The following LGALS3BP variants were observed in gnomAD, a reference collection of about 807,000 sequenced individuals.
LGALS3BP encodes galectin-3-binding protein.
Under a neutral mutation model 22.9 loss-of-function variants are expected in LGALS3BP, and 25 were observed. That is an observed-to-expected ratio of 1.09 (90% confidence interval 0.80 to 1.53). LGALS3BP has a LOEUF of 1.53. LGALS3BP is among the 40% of genes most tolerant of loss of function. The pLI is 0.00. For missense variants in LGALS3BP, 718 were observed against 752.0 expected, an observed-to-expected ratio of 0.95 and a Z score of 0.53; for synonymous variants, 335 against 331.1, an observed-to-expected ratio of 1.01 and a Z score of -0.13.
rs754377730 is a variant in LGALS3BP at position 78,971,879 on chromosome 17, G to C, written c.1455C>G (p.Thr485=). The C allele has an allele frequency of 6.2e-7, 1 of 1,614,194 alleles. No homozygotes were observed. Among genetic ancestry groups the C allele is most frequent in the African/African-American group, 1.3e-5 (1 of 75,050 alleles). The part of the protein sequence containing the change: ...RVSWSLVYLP[T]IQSCWNYGFS... ...AGCCGTAGTTCCAGCAGCTCTGGAT[G>C]GTGGGGAGGTAGACCAGGGACCAGG... The change falls in exon 6 of 6, where the codon ACC becomes ACG. Residue 485 remains threonine (T), a synonymous_variant. Coordinates refer to ENST00000262776, the MANE Select transcript of LGALS3BP (RefSeq NM_005567.4). This position sits in a 1 kb window ranked among gnomAD's most constrained non-coding sequence, Gnocchi z 5.6.
At position 78,971,569 on chromosome 17, in the gene LGALS3BP, A is replaced by C; in HGVS notation, c.*7T>G. 6.2e-7 allele frequency: 1 copy of C among 1,608,302 alleles called. No homozygotes were observed. The highest frequency in any genetic ancestry group is 8.5e-7 in the Non-Finnish European group (1 of 1,176,730). On this transcript the variant is annotated 3_prime_UTR_variant, in exon 6 of 6. Transcript: ENST00000262776. This position sits in a 1 kb window ranked among gnomAD's most constrained non-coding sequence, Gnocchi z 5.6. The stretch of plus-strand genomic sequence containing the variant: ...CTCCGGTTCTCACCACCCTTGGGCC[A>C]CGCCGTCTAGTCCACACCTGAGGAG...
In LGALS3BP at chr17:78,972,418, G is replaced by A; in HGVS notation, c.916C>T (p.Leu306=). ...WPSVPTDLLQ[L]LLPRSDLAVP... is the part of the protein sequence containing the mutation. ...GCCAGGTCGCTCCTGGGCAGCAGCA[G>A]TTGGAGCAGGTCTGTGGGGACACTG... is the stretch of plus-strand genomic sequence containing the variant. The change falls in exon 6 of 6, where the codon CTG becomes TTG. Residue 306 remains leucine, a synonymous_variant. Coordinates refer to ENST00000262776, the MANE Select transcript of LGALS3BP (RefSeq NM_005567.4). The surrounding 1 kb of genome is among the most constrained non-coding windows in gnomAD (Gnocchi z 5.1). 6.2e-7 allele frequency: 1 copy of A among 1,613,468 alleles called. No homozygotes were observed. The highest frequency in any genetic ancestry group is 8.5e-7 in the Non-Finnish European group (1 of 1,180,004).
chr17:78,972,701 G>A lies in LGALS3BP; in HGVS notation c.633C>T (p.Tyr211=), dbSNP rs886165639. 11 of 1,515,200 alleles carry A rather than the reference G, an allele frequency of 7.3e-6. No homozygotes were observed. The highest frequency in any genetic ancestry group is 8.8e-6 in the Non-Finnish European group (10 of 1,132,090). The allele number at this position is 1,515,200 out of a possible 1,614,324, so 93.9% of individuals were successfully genotyped here. ...TGATGTCAATCCTTCGGGAGTAGAA[G>A]TACCTGGGGAGAAAGAAGGAGAGCA... The part of the protein sequence containing the change: ...CVPMVRDLLR[Y]FYSRRIDITL... The change falls in exon 6 of 6, where the codon TAC becomes TAT. Residue 211 remains tyrosine (Y), a synonymous_variant. Transcript: ENST00000262776. The surrounding 1 kb of genome is among the most constrained non-coding windows in gnomAD (Gnocchi z 5.1).
At position 78,973,344 on chromosome 17, in the gene LGALS3BP, C is replaced by G. The variant is rs1675016495; in HGVS notation, c.377-122G>C. On this transcript the variant is annotated intron_variant, in intron 4 of 5. Transcript: ENST00000262776. The surrounding 1 kb of genome is among the most constrained non-coding windows in gnomAD (Gnocchi z 5.8). ...CTGCCTCATTCACTCTGGAAGGCTC[C>G]TGGGAAGACGAGGGACAAGAGAGAC... 8.4e-7 allele frequency: 1 copy of G among 1,185,438 alleles called. No individual in the cohort carries two copies. Among genetic ancestry groups the G allele is most frequent in the African/African-American group, 1.5e-5 (1 of 64,686 alleles). The allele number at this position is 1,185,438 out of a possible 1,614,324, so 73.4% of individuals were successfully genotyped here.
chr17:78,974,411 T>C (rs912342799), intron 4 of LGALS3BP, among the ~76,000 whole-genome samples: 1 of 152,212 alleles, frequency 6.6e-6, no homozygotes, highest in African/African-American at 2.4e-5. Flanking sequence ...TCATGCTCAC[T>C]GAAACTGTGG....
chr17:78,975,274 T>C (rs531951965), intron 3 of LGALS3BP, among the ~76,000 whole-genome samples: 3 of 152,362 alleles, frequency 2.0e-5, no homozygotes, highest in African/African-American at 7.2e-5. Context: ...ATGGATTGTT[T>C]CTTTTTTTTC....
intron 3 of LGALS3BP, among the ~76,000 whole-genome samples, chr17:78,975,723 C>T (rs141758771): frequency 5.3e-4 from 64 of 121,822 alleles, no homozygotes; most frequent in African/African-American, 1.8e-3. Flanking sequence ...ACTCAGGAGG[C>T]GGAGGTTGCA....
Position 78,972,898 on chromosome 17 carries a change from G to A in LGALS3BP, c.629+72C>T. On this transcript the variant is annotated intron_variant, in intron 5 of 5. Transcript: ENST00000262776. The surrounding 1 kb of genome is among the most constrained non-coding windows in gnomAD (Gnocchi z 5.1). ...AGTATGTGCAGGTGTGTGTGTGGGG[G>A]GCTGTGCTTTTGAAGAGGGGAGGAG... The A allele has an allele frequency of 6.5e-7, 1 of 1,535,814 alleles. No individual in the cohort carries two copies. The highest frequency in any genetic ancestry group is 2.3e-5 in the East Asian group (1 of 44,198).
chr17:78,978,046 G>C (rs192864495), intron 1 of LGALS3BP, among the ~76,000 whole-genome samples: 1 of 152,160 alleles, frequency 6.6e-6, no homozygotes, highest in South Asian at 2.1e-4. Flanking sequence ...AGACAGTTAT[G>C]GTTTCTCTGG....
chr17:78,976,443 T>G lies in LGALS3BP; in HGVS notation c.53-287A>C, dbSNP rs2070721716. On this transcript the variant is annotated intron_variant, in intron 2 of 5. Coordinates refer to ENST00000262776, the MANE Select transcript of LGALS3BP (RefSeq NM_005567.4). This position sits in a 1 kb window ranked among gnomAD's most constrained non-coding sequence, Gnocchi z 4.6. ...AGAGAAGCCCTGAGTTCTCCAGCAC[T>G]GGGAGTGGAGGTGGCAAGACCCTGA... is the stretch of plus-strand genomic sequence containing the variant. Among the ~76,000 whole-genome samples the G allele has an allele frequency of 6.6e-6, 1 of 152,146 alleles. No individual in the cohort carries two copies. Among genetic ancestry groups the G allele is most frequent in the South Asian group, 2.1e-4 (1 of 4,834 alleles).
chr17:78,972,404 C>T lies in LGALS3BP; in HGVS notation c.930G>A (p.Arg310=). The change falls in exon 6 of 6, where the codon AGG becomes AGA. Residue 310 remains arginine (R), a synonymous_variant. Coordinates refer to ENST00000262776, the MANE Select transcript of LGALS3BP (RefSeq NM_005567.4). This position sits in a 1 kb window ranked among gnomAD's most constrained non-coding sequence, Gnocchi z 5.1. ...PTDLLQLLLP[R]SDLAVPSELA... ...GCTCGCTGGGCACCGCCAGGTCGCT[C>T]CTGGGCAGCAGCAGTTGGAGCAGGT... 1.2e-6 allele frequency: 2 copies of T among 1,613,460 alleles called. No individual in the cohort carries two copies. The highest frequency in any genetic ancestry group is 1.7e-6 in the Non-Finnish European group (2 of 1,180,010).
rs1352617856 is a variant in LGALS3BP, at chr17:78,979,854, A to C, written c.-54T>G. 4 of 152,222 alleles carry C rather than the reference A, an allele frequency of 2.6e-5. No individual in the cohort carries two copies. The highest frequency in any genetic ancestry group is 9.6e-5 in the African/African-American group (4 of 41,454). The allele number at this position is 152,222 out of a possible 1,614,324, so 9.4% of individuals were successfully genotyped here. ...TGCGGTAGCTGCAACGGCCGTGTGG[A>C]GCCTCCTCGCTTCCAGCCACAGGAT... On this transcript the variant is annotated 5_prime_UTR_variant, in exon 1 of 6. Transcript: ENST00000262776.
In LGALS3BP at chr17:78,977,232, G is replaced by A. The variant is rs1008708234; in HGVS notation, c.-23-18C>T. 1.0e-5 allele frequency: 16 copies of A among 1,602,716 alleles called. No homozygotes were observed. The Middle Eastern group carries it at 5.1e-4, about 51-fold the overall frequency. ...CCCAGATCCTGCAGCAGACAGAAGC[G>A]GAGGGGTGAGGCACGGGAGCCAGAT... On this transcript the variant is annotated intron_variant, in intron 1 of 5. Coordinates refer to ENST00000262776, the MANE Select transcript of LGALS3BP (RefSeq NM_005567.4).
Position 78,976,063 on chromosome 17 carries a change from C to T in LGALS3BP, c.146G>A (p.Cys49Tyr). 2 of 1,612,310 alleles carry T rather than the reference C, an allele frequency of 1.2e-6. No homozygotes were observed. The highest frequency in any genetic ancestry group is 1.7e-6 in the Non-Finnish European group (2 of 1,179,632). Reference sequence around the variant, plus strand: ...ATCAGTCAGGTCCCACAGGTTGTCACACACAGTGCCCCACTGGCCTCTGTA... The same window carrying T: ...ATCAGTCAGGTCCCACAGGTTGTCATACACAGTGCCCCACTGGCCTCTGTA... Reference protein sequence around the residue: ...IFYRGQWGTVCDNLWDLTDAS... With the variant: ...IFYRGQWGTVYDNLWDLTDAS... The change falls in exon 3 of 6, where the codon TGT becomes TAT. Residue 49 changes from cysteine (C) to tyrosine (Y), a missense_variant. Physicochemically the swap from Cys to Tyr is radical, Grantham distance 194. Transcript: ENST00000262776. The surrounding 1 kb of genome is among the most constrained non-coding windows in gnomAD (Gnocchi z 4.6).
chr17:78,979,481 T>A (rs1353176929), intron 1 of LGALS3BP: 2 of 149,036 alleles, frequency 1.3e-5, no homozygotes, highest in Non-Finnish European at 3.0e-5. Flanking sequence ...CCGGGCGCGG[T>A]GGCTCACACC....
In LGALS3BP at chr17:78,975,791, C is replaced by CAAAAA. The variant is rs60470107; in HGVS notation, c.244+169_244+173dup. Among the ~76,000 whole-genome samples, 23 of 52,250 alleles carry CAAAAA rather than the reference C, an allele frequency of 4.4e-4. 1 individual carries two copies. Among genetic ancestry groups the CAAAAA allele is most frequent in the East Asian group, 3.3e-3 (5 of 1,512 alleles). 34.3% of individuals were successfully genotyped at this position (52,250 alleles called of 152,430 possible). ...TGGGCAACAGAGCGAGACTCCATCT[C>CAAAAA]AAAAAAAAAAAAAAAAAAAAAAAAA... On this transcript the variant is annotated intron_variant, in intron 3 of 5. Transcript: ENST00000262776.
rs2070684336 is a variant in LGALS3BP at position 78,972,652 on chromosome 17, G to A, written c.682C>T (p.His228Tyr). ...GCCCCATAGGCAGAGGCCAGCTTGT[G>A]GAAGCACTTGACTGACGACAGGGTG... ...DITLSSVKCF[H>Y]KLASAYGARQ... Residue 228 changes from histidine to tyrosine, a missense_variant, in exon 6 of 6, where the codon CAC becomes TAC. Transcript: ENST00000262776. This position sits in a 1 kb window ranked among gnomAD's most constrained non-coding sequence, Gnocchi z 5.1. The A allele has an allele frequency of 6.5e-7, 1 of 1,531,044 alleles. No individual in the cohort carries two copies. The highest frequency in any genetic ancestry group is 1.4e-5 in the African/African-American group (1 of 72,390). The allele number at this position is 1,531,044 out of a possible 1,614,324, so 94.8% of individuals were successfully genotyped here. A position where few individuals can be genotyped will look rare whatever the true frequency, so the allele number is the denominator to read the frequency against.
Position 78,972,690 on chromosome 17 carries a change from C to A in LGALS3BP, c.644G>T (p.Arg215Leu). 1 of 1,517,420 alleles carries A rather than the reference C, an allele frequency of 6.6e-7. No homozygotes were observed. The highest frequency in any genetic ancestry group is 8.8e-7 in the Non-Finnish European group (1 of 1,132,938). 94.0% of individuals were successfully genotyped at this position (1,517,420 alleles called of 1,614,324 possible). A position where few individuals can be genotyped will look rare whatever the true frequency, so the allele number is the denominator to read the frequency against. Residue 215 changes from arginine (R) to leucine (L), a missense_variant, in exon 6 of 6, where the codon CGA becomes CTA. Coordinates refer to ENST00000262776, the MANE Select transcript of LGALS3BP (RefSeq NM_005567.4). The surrounding 1 kb of genome is among the most constrained non-coding windows in gnomAD (Gnocchi z 5.1). ...TGACGACAGGGTGATGTCAATCCTT[C>A]GGGAGTAGAAGTACCTGGGGAGAAA... ...VRDLLRYFYS[R>L]RIDITLSSVK...
At position 78,973,292 on chromosome 17, in the gene LGALS3BP, C is replaced by T. The variant is rs1479686785; in HGVS notation, c.377-70G>A. 2.8e-6 allele frequency: 4 copies of T among 1,427,212 alleles called. No homozygotes were observed. In the East Asian group the frequency reaches 1.0e-4, roughly 36 times the overall value. The allele number at this position is 1,427,212 out of a possible 1,614,324, so 88.4% of individuals were successfully genotyped here. ...CACTGCCACTCTCTGGGGTCAGTGT[C>T]TTCATCTGAAAGTGAGGGATTTGTG... On this transcript the variant is annotated intron_variant, in intron 4 of 5. Coordinates refer to ENST00000262776, the MANE Select transcript of LGALS3BP (RefSeq NM_005567.4). The surrounding 1 kb of genome is among the most constrained non-coding windows in gnomAD (Gnocchi z 5.8).
Sources: allele counts gnomAD v4.1 joint callset (sites outside exome capture counted in the v4.1 genomes callset), GRCh38; gene constraint gnomAD v4.1.1; non-coding constraint Gnocchi (gnomAD v3.1); transcripts MANE v1.5; gene names NCBI Gene and HGNC (gene_info 2026-07-23, HGNC 2026-07-21).